CCDC102B: variants seen among roughly 807,000 people sequenced by gnomAD.
The protein encoded by CCDC102B is coiled-coil domain-containing protein 102B.
Under a neutral mutation model 57.4 loss-of-function variants are expected in CCDC102B, and 75 were observed. That is an observed-to-expected ratio of 1.31 (90% CI 1.08 to 1.58). The LOEUF (loss-of-function observed/expected upper bound fraction) is 1.58, where lower values mean the gene tolerates loss of function less well. Among genes scored for constraint, CCDC102B ranks in the 40% most tolerant of loss-of-function variants. The pLI is 0.00. For synonymous variants in CCDC102B, 206 were observed against 201.9 expected, an observed-to-expected ratio of 1.02 and a Z score of -0.17; for missense variants, 636 against 582.6, an observed-to-expected ratio of 1.09 and a Z score of -0.94.
At chr18:68,843,123 C>G (rs1023947610) in intron 3 of CCDC102B, among the ~76,000 whole-genome samples, 1 of 152,136 alleles carries the variant, frequency 6.6e-6, no homozygotes, top group African/African-American at 2.4e-5. Flanking sequence ...AGTGCTAACA[C>G]CCAGTGCTGA....
intron 2 of CCDC102B, among the ~76,000 whole-genome samples, chr18:68,717,785 A>G (rs943458493): frequency 2.6e-5 from 4 of 152,190 alleles, no homozygotes; most frequent in Non-Finnish European, 4.4e-5. Context: ...ACATTTGTGT[A>G]TATATATACC....
At chr18:69,029,489 G>T (rs1371776992) in intron 7 of CCDC102B, among the ~76,000 whole-genome samples, 1 of 68,168 alleles carries the variant, frequency 1.5e-5, no homozygotes, top group Non-Finnish European at 4.5e-5. Flanking sequence ...GCATGTGTCA[G>T]ACATGTGAGA....
chr18:68,765,324 G>GGAAGGAAGGAAA (rs1491399373), intron 2 of CCDC102B, among the ~76,000 whole-genome samples: 18 of 60,384 alleles, frequency 3.0e-4, no homozygotes, highest in Non-Finnish European at 5.1e-4. Context: ...AAGGAAGGAA[G>GGAAGGAAGGAAA]GAAAGAAAGA....
chr18:68,727,175 G>A (rs116775252), intron 2 of CCDC102B, among the ~76,000 whole-genome samples: 2,450 of 152,266 alleles, frequency 0.016, 57 homozygotes, highest in African/African-American at 0.056. Flanking sequence ...AAGCTGTCCT[G>A]TTTGGACCAT....
At position 68,947,587 on chromosome 18, in the gene CCDC102B, G is replaced by T. The variant is rs191606528; in HGVS notation, c.1263+50159G>T. Among the ~76,000 whole-genome samples, 14 of 152,206 alleles carry T rather than the reference G, an allele frequency of 9.2e-5. No individual in the cohort carries two copies. The East Asian group carries it at 2.7e-3, about 30-fold the overall frequency. On this transcript the variant is annotated intron_variant, in intron 6 of 7. Transcript: ENST00000360242. ...TAACTATTCATATAAAATTCAGGAA[G>T]TTAAATGTGATGTACTTTCTGAAAT...
At chr18:69,030,202 A>T (rs902216891) in intron 7 of CCDC102B, among the ~76,000 whole-genome samples, 1 of 152,218 alleles carries the variant, frequency 6.6e-6, no homozygotes, top group Admixed American at 6.5e-5. Context: ...AAATATTTTT[A>T]AAAATTACTC....
rs1048234001 is a variant in CCDC102B at position 68,802,470 on chromosome 18, T to C, written c.-16+4289T>C. 2.0e-5 allele frequency among the ~76,000 whole-genome samples: 3 copies of C among 152,350 alleles called. No individual in the cohort carries two copies. In the South Asian group the frequency reaches 6.2e-4, roughly 32 times the overall value. ...TGGCTTTTATGTTTTTGATATGTTTTTATATTTTATGTTTTTGGTATCAGG... is the reference window on the plus strand; with the variant it reads ...TGGCTTTTATGTTTTTGATATGTTTCTATATTTTATGTTTTTGGTATCAGG... On this transcript the variant is annotated intron_variant, in intron 1 of 7. Transcript: ENST00000360242.
At chr18:68,983,047 A>G (rs1321735239) in intron 6 of CCDC102B, among the ~76,000 whole-genome samples, 7 of 151,892 alleles carry the variant, frequency 4.6e-5, no homozygotes, top group African/African-American at 1.7e-4. Flanking sequence ...TGCTTTAATT[A>G]TCTAATTATT....
chr18:69,055,792 T>G (rs113886779), downstream of CCDC102B, among the ~76,000 whole-genome samples: 2,685 of 152,134 alleles, frequency 0.018, 82 homozygotes, highest in African/African-American at 0.061. Context: ...CAACACAATC[T>G]CTAGATAAAA....
intron 6 of CCDC102B, among the ~76,000 whole-genome samples, chr18:69,009,949 T>TTTTTTTTTTTAG (rs2051461349): frequency 7.6e-6 from 1 of 132,360 alleles, no homozygotes; most frequent in African/African-American, 2.8e-5. Context: ...TTTTTTTTTT[T>TTTTTTTTTTTAG]GAGACGGAGC....
intron 7 of CCDC102B, among the ~76,000 whole-genome samples, chr18:69,037,137 A>G (rs2145460988): frequency 6.6e-6 from 1 of 152,158 alleles, no homozygotes. Context: ...ATTTGTGAAC[A>G]GATACTTAGC....
chr18:68,735,994 TC>T (rs2033108905), intron 2 of CCDC102B, among the ~76,000 whole-genome samples: 1 of 152,198 alleles, frequency 6.6e-6, no homozygotes. Flanking sequence ...ATCACTTTTC[TC>T]TTGAGAGATC....
intron 6 of CCDC102B, among the ~76,000 whole-genome samples, chr18:68,913,095 T>C (rs2040930375): frequency 6.6e-6 from 1 of 152,184 alleles, no homozygotes; most frequent in South Asian, 2.1e-4. Flanking sequence ...ATTTCCTATT[T>C]CTCTGTGACT....
At chr18:68,913,679 CA>C (rs1244435207) in intron 6 of CCDC102B, among the ~76,000 whole-genome samples, 2 of 130,700 alleles carry the variant, frequency 1.5e-5, no homozygotes, top group Non-Finnish European at 3.4e-5. Flanking sequence ...AAAGCAAAAA[CA>C]AAGACAAAAC....
At chr18:68,850,990 G>C (rs2038097841) in intron 4 of CCDC102B, among the ~76,000 whole-genome samples, 1 of 151,872 alleles carries the variant, frequency 6.6e-6, no homozygotes, top group Non-Finnish European at 1.5e-5. Flanking sequence ...ATCAAACTGT[G>C]TGGTTATTTT....
chr18:68,734,377 C>G (rs2033032117), intron 2 of CCDC102B, among the ~76,000 whole-genome samples: 1 of 152,086 alleles, frequency 6.6e-6, no homozygotes, highest in Admixed American at 6.5e-5. Flanking sequence ...AAGCAGGGTG[C>G]AAACATATAA....
intron 1 of CCDC102B, among the ~76,000 whole-genome samples, chr18:68,806,166 A>G (rs1483718363): frequency 6.6e-6 from 1 of 152,192 alleles, no homozygotes; most frequent in Admixed American, 6.5e-5. Context: ...GTTTTTATTT[A>G]CAACTGCTGT....
chr18:68,758,673 T>C (rs1004643502), intron 2 of CCDC102B, among the ~76,000 whole-genome samples: 3 of 151,460 alleles, frequency 2.0e-5, no homozygotes, highest in African/African-American at 4.8e-5. Flanking sequence ...AAAAAAATCA[T>C]GATATCTATA....
At chr18:68,926,779 C>T (rs1599703371) in intron 6 of CCDC102B, among the ~76,000 whole-genome samples, 2 of 151,924 alleles carry the variant, frequency 1.3e-5, no homozygotes, top group Non-Finnish European at 2.9e-5. Context: ...AATGGTTTTC[C>T]TTCCAGGGTG....
Sources: allele counts gnomAD v4.1 joint callset (sites outside exome capture counted in the v4.1 genomes callset), GRCh38; gene constraint gnomAD v4.1.1; transcripts MANE v1.5; gene names NCBI Gene and HGNC (gene_info 2026-07-23, HGNC 2026-07-21).